The following MAP3K19 variants were observed in gnomAD, a reference collection of about 807,000 sequenced individuals.
MAP3K19 encodes SPS1/STE20-related protein kinase YSK4.
A neutral mutation model predicts 114.4 loss-of-function variants in MAP3K19; 91 were observed. The ratio of observed to expected loss-of-function variants is 0.80; its 90% CI spans 0.67 to 0.95. The LOEUF (loss-of-function observed/expected upper bound fraction) is 0.95, where lower values mean the gene tolerates loss of function less well. MAP3K19 is among the 40% of genes least tolerant of loss of function. The pLI is 0.00. For missense variants in MAP3K19, 1,471 were observed against 1,573.2 expected (o/e 0.94, Z 1.10); for synonymous variants, 518 against 530.5 (o/e 0.98, Z 0.32).
chr2:135,018,491 C>A (rs1687745605), intron 5 of MAP3K19, among the ~76,000 whole-genome samples: 1 of 152,028 alleles, frequency 6.6e-6, no homozygotes, highest in Admixed American at 6.6e-5. Context: ...TATACACCAC[C>A]ATGCCCAGCT....
chr2:135,006,508 C>T (rs926141508), intron 5 of MAP3K19, among the ~76,000 whole-genome samples: 2 of 152,084 alleles, frequency 1.3e-5, no homozygotes, highest in South Asian at 2.1e-4. Flanking sequence ...TTTTAATTGT[C>T]GTAGCAAATA....
chr2:134,991,445 T>A (rs181555739), intron 9 of MAP3K19, 92 bp downstream of exon 9: 1 of 1,077,236 alleles, frequency 9.3e-7, no homozygotes, highest in African/African-American at 1.5e-5. Context: ...TGTTGAAGGG[T>A]CAAGTGTAAT....
chr2:135,025,377 C>CTTT (rs754598942), intron 3 of MAP3K19, among the ~76,000 whole-genome samples: 18 of 69,546 alleles, frequency 2.6e-4, no homozygotes, highest in African/African-American at 3.8e-4. Flanking sequence ...CTTTTCTTTT[C>CTTT]TTTTTTTTTT....
intron 2 of MAP3K19, among the ~76,000 whole-genome samples, chr2:135,035,835 A>AT (rs1029800964): frequency 7.3e-5 from 11 of 151,474 alleles, no homozygotes; most frequent in South Asian, 4.2e-4. Context: ...AAAATGCAAG[A>AT]TTTTTTTTTC....
chr2:134,975,112 C>A (rs1463823061), intron 12 of MAP3K19, among the ~76,000 whole-genome samples: 1 of 152,124 alleles, frequency 6.6e-6, no homozygotes, highest in Non-Finnish European at 1.5e-5. Context: ...GCATGCCCAT[C>A]CTTGGGCCCC....
chr2:134,984,176 G>A (rs550391472), intron 10 of MAP3K19, among the ~76,000 whole-genome samples: 1 of 152,242 alleles, frequency 6.6e-6, no homozygotes, highest in East Asian at 1.9e-4. Context: ...GTTAGTGTGT[G>A]CCATCTCCTC....
rs74265424 is a variant in MAP3K19, at chr2:134,977,803, A to G, written c.3920+3018T>C. 0.025 allele frequency among the ~76,000 whole-genome samples: 3,775 copies of G among 152,196 alleles called. 409 individuals carry two copies. The East Asian group carries it at 0.38, about 15-fold the overall frequency. ...TGGACCACTGCGCCTGGCCCATCCC[A>G]TTTTAAATGTCTCTGCCAAATGTCT... On this transcript the variant is annotated intron_variant, in intron 12 of 12. Coordinates refer to ENST00000392915, the MANE Select transcript of MAP3K19 (RefSeq NM_025052.5).
At chr2:134,991,201 T>C (rs371190660) in intron 9 of MAP3K19, 152 of 268,524 alleles carry the variant, frequency 5.7e-4, no homozygotes, top group African/African-American at 3.1e-3. Flanking sequence ...CTCGGGAGGC[T>C]GAGGCAGGAG....
intron 6 of MAP3K19, among the ~76,000 whole-genome samples, chr2:135,005,065 T>C (rs750665722): frequency 3.3e-5 from 5 of 152,226 alleles, no homozygotes; most frequent in Non-Finnish European, 5.9e-5. Flanking sequence ...CTGATTCAGA[T>C]ATGGACCAAA....
At chr2:134,997,820 A>AAAAAAACAAAAAAAAAC (rs1553542177) in intron 8 of MAP3K19, among the ~76,000 whole-genome samples, 7 of 148,418 alleles carry the variant, frequency 4.7e-5, no homozygotes, top group African/African-American at 1.8e-4. Flanking sequence ...TCCGTCTCAA[A>AAAAAAACAAAAAAAAAC]AAAAAAAAAA....
chr2:135,031,435 G>A (rs957004677), intron 2 of MAP3K19, among the ~76,000 whole-genome samples: 2 of 152,162 alleles, frequency 1.3e-5, no homozygotes, highest in Non-Finnish European at 2.9e-5. Context: ...GAAGGAGTTA[G>A]GTATGTCTAG....
At position 134,981,114 on chromosome 2, in the gene MAP3K19, C is replaced by G; in HGVS notation, c.3627G>C (p.Arg1209Ser). Residue 1209 changes from arginine to serine, a missense_variant, in exon 12 of 13, where the codon AGG (arginine) becomes AGC (serine). Transcript: ENST00000392915. ...IIKLIDFGCA[R>S]RLAWAGLNGT... ...CATTTAAACCTGCCCAGGCCAAACG[C>G]CTGGCACAGCCAAAGTCAATCAGCT... is the stretch of plus-strand genomic sequence containing the variant. 6.2e-7 allele frequency: 1 copy of G among 1,614,200 alleles called. No individual in the cohort carries two copies. The highest frequency in any genetic ancestry group is 8.5e-7 in the Non-Finnish European group (1 of 1,180,028).
chr2:135,033,535 G>A (rs1162071538), intron 2 of MAP3K19, among the ~76,000 whole-genome samples: 783 of 74,458 alleles, frequency 0.011, 75 homozygotes, highest in Middle Eastern at 0.03. Flanking sequence ...GGGCAGAGGC[G>A]CCCCTCACCT....
chr2:134,999,104 C>T lies in MAP3K19; in HGVS notation c.315-107G>A. The T allele has an allele frequency of 7.9e-7, 1 of 1,264,454 alleles. No individual in the cohort carries two copies. The highest frequency in any genetic ancestry group is 1.1e-6 in the Non-Finnish European group (1 of 911,282). The allele number at this position is 1,264,454 out of a possible 1,614,324, so 78.3% of individuals were successfully genotyped here. ...ACTAGAAAGTTTGAAGAACTACTTC[C>T]AAATGGTGCTGCTGAAAGGAAAGGC... On this transcript the variant is annotated intron_variant, in intron 7 of 12. Transcript: ENST00000392915. This position sits in a 1 kb window ranked among gnomAD's most constrained non-coding sequence, Gnocchi z 4.1.
At chr2:134,991,092 G>A (rs891188009) in intron 9 of MAP3K19, among the ~76,000 whole-genome samples, 3 of 151,830 alleles carry the variant, frequency 2.0e-5, no homozygotes, top group African/African-American at 7.3e-5. Context: ...ACGAGGTCAG[G>A]AGATCGAGAC....
At chr2:135,015,785 C>T (rs1031532741) in intron 5 of MAP3K19, among the ~76,000 whole-genome samples, 7 of 151,792 alleles carry the variant, frequency 4.6e-5, no homozygotes, top group Admixed American at 2.0e-4. Flanking sequence ...CCCAGCAACT[C>T]GGGAGGCGGA....
At chr2:134,997,091 C>A (rs746284749) in intron 8 of MAP3K19, among the ~76,000 whole-genome samples, 1 of 152,002 alleles carries the variant, frequency 6.6e-6, no homozygotes, top group South Asian at 2.1e-4. Flanking sequence ...AACAAAAAAA[C>A]GCTATCAAGA....
intron 12 of MAP3K19, among the ~76,000 whole-genome samples, chr2:134,977,045 C>CG (rs1405436660): frequency 3.1e-5 from 4 of 128,292 alleles, no homozygotes; most frequent in African/African-American, 6.6e-5. Context: ...GACTCCGTCT[C>CG]GGAAAAAAAA....
Position 134,991,525 on chromosome 2 carries a change from CACTAATCTT to C in MAP3K19, c.618+3_618+11del. The C allele has an allele frequency of 6.2e-7, 1 of 1,611,578 alleles. No individual in the cohort carries two copies. Among genetic ancestry groups the C allele is most frequent in the Non-Finnish European group, 8.5e-7 (1 of 1,177,700 alleles). ...TTAATTCTCAAGTCAAAAATGCTAG[CACTAATCTT>C]ACCTTGATGCTTCGGCCACTGTACT... On this transcript the variant is annotated splice_donor_5th_base_variant and intron_variant, in intron 9 of 12. Transcript: ENST00000392915.
Sources: gnomAD v4.1 joint callset for allele counts (sites outside exome capture counted in the v4.1 genomes callset) on GRCh38, gnomAD v4.1.1 for gene constraint, Gnocchi (gnomAD v3.1) non-coding constraint, MANE v1.5 for transcripts, NCBI Gene and HGNC (gene_info 2026-07-23, HGNC 2026-07-21) for gene names.